The following NCOR2 variants were observed in gnomAD, a reference collection of about 807,000 sequenced individuals.
The protein encoded by NCOR2 is CTG repeat protein 26.
NCOR2 carries 81 observed loss-of-function variants against 262.9 expected under a neutral mutation model. The ratio of observed to expected loss-of-function variants is 0.31; its 90% CI spans 0.26 to 0.37. The LOEUF (loss-of-function observed/expected upper bound fraction) is 0.37, where lower values mean the gene tolerates loss of function less well. NCOR2 is among the 10% of genes least tolerant of loss of function. The probability of loss-of-function intolerance (pLI) is 1.00; values close to 1 mark genes in which losing one functional copy is unlikely to be tolerated. For missense variants in NCOR2, 3,385 were observed against 3,621.4 expected (o/e 0.93, Z 1.68); for synonymous variants, 1,659 against 1,559.3 (o/e 1.06, Z -1.51).
intron 1 of NCOR2, 52 bp downstream of exon 2, chr12:124,535,513 C>T (rs1294382554): frequency 6.6e-6 from 1 of 152,272 alleles, no homozygotes; most frequent in Non-Finnish European, 1.5e-5. Context: ...TGAGAAAGTC[C>T]AGGCAGGATG....
At chr12:124,429,547 C>T (rs1302769781) in intron 10 of NCOR2, 66 bp downstream of exon 12, 8 of 1,505,516 alleles carry the variant, frequency 5.3e-6, no homozygotes, top group Admixed American at 2.0e-5. Context: ...CTGGCTAGGG[C>T]CTCTGCACCC....
chr12:124,336,598 T>A, intron 38 of NCOR2, 155 bp downstream of exon 40: 1 of 984,206 alleles, frequency 1.0e-6, no homozygotes, highest in South Asian at 4.7e-5. Context: ...GAAAATATCT[T>A]TGGACCACGA....
intron 22 of NCOR2, among the ~76,000 whole-genome samples, chr12:124,359,708 G>A (rs1466181926): frequency 6.6e-6 from 1 of 152,234 alleles, no homozygotes; most frequent in Non-Finnish European, 1.5e-5. Context: ...GATGCTGGAA[G>A]GCAAACTGGG....
intron 1 of NCOR2, among the ~76,000 whole-genome samples, chr12:124,494,924 A>G (rs1471772838): frequency 6.6e-6 from 1 of 152,172 alleles, no homozygotes; most frequent in Non-Finnish European, 1.5e-5. Flanking sequence ...GCCTGGCCCC[A>G]GCCTCCATCT....
chr12:124,550,514 G>T (rs1358911441), intron 1 of NCOR2, among the ~76,000 whole-genome samples: 3 of 152,060 alleles, frequency 2.0e-5, no homozygotes, highest in Non-Finnish European at 1.5e-5. Context: ...ATGGTGAACG[G>T]GGGGGAGGAC....
intron 1 of NCOR2, among the ~76,000 whole-genome samples, chr12:124,487,129 A>G (rs1435452230): frequency 6.6e-6 from 1 of 152,226 alleles, no homozygotes; most frequent in Non-Finnish European, 1.5e-5. Context: ...ACAGAAATGC[A>G]TTTGCAGCAA....
At chr12:124,337,725 G>C (rs1396828745) in intron 37 of NCOR2, among the ~76,000 whole-genome samples, 1 of 152,212 alleles carries the variant, frequency 6.6e-6, no homozygotes, top group African/African-American at 2.4e-5. Context: ...GGCCAGGGTG[G>C]GCGTTGAGAA....
rs539253174 is a variant in NCOR2, at chr12:124,549,917, C to A, written c.-164-14306G>T. Reference sequence around the variant, plus strand: ...TACTTATGGCAAGTATGTGAATGAACAAAATCTACATGCTGGGCGCAAGCT... The same window carrying A: ...TACTTATGGCAAGTATGTGAATGAAAAAAATCTACATGCTGGGCGCAAGCT... On this transcript the variant is annotated intron_variant, in intron 1 of 32. Transcript: ENST00000458234. The surrounding 1 kb of genome is among the most constrained non-coding windows in gnomAD (Gnocchi z 4.4). Among the ~76,000 whole-genome samples the A allele has an allele frequency of 1.3e-5, 2 of 152,310 alleles. No homozygotes were observed. The highest frequency in any genetic ancestry group is 3.9e-4 in the East Asian group (2 of 5,182).
rs2049912248 is a variant in NCOR2 at position 124,517,831 on chromosome 12, G to A, written c.-118+17734C>T. 6.6e-6 allele frequency among the ~76,000 whole-genome samples: 1 copy of A among 152,160 alleles called. No homozygotes were observed. The highest frequency in any genetic ancestry group is 2.4e-5 in the African/African-American group (1 of 41,426). On this transcript the variant is annotated intron_variant, in intron 1 of 46. Transcript: ENST00000404621. The surrounding 1 kb of genome is among the most constrained non-coding windows in gnomAD (Gnocchi z 7.6). Reference sequence around the variant, plus strand: ...TCTTTTCCGTGACTGCAGCAACTTCGTCCGATGAGACAGCCCTGCCCACCA... The same window carrying A: ...TCTTTTCCGTGACTGCAGCAACTTCATCCGATGAGACAGCCCTGCCCACCA...
chr12:124,456,677 G>A (rs2045877320), intron 6 of NCOR2, among the ~76,000 whole-genome samples: 2 of 152,240 alleles, frequency 1.3e-5, no homozygotes, highest in Admixed American at 1.3e-4. Flanking sequence ...CTGAAGCACA[G>A]GGAGGGTAAC....
At chr12:124,429,664 G>A in exon 10 of NCOR2, 1 of 1,609,678 alleles carries the variant, frequency 6.2e-7, no homozygotes. Context: ...GCTCGCTGCG[G>A]GCGGCCGACA....
intron 5 of NCOR2, among the ~76,000 whole-genome samples, chr12:124,462,902 G>A (rs1220119200): frequency 6.6e-6 from 1 of 152,136 alleles, no homozygotes; most frequent in East Asian, 1.9e-4. Context: ...GGAAGACAAG[G>A]ACCTGAGTCT....
At chr12:124,410,511 C>T (rs1197680674) in intron 13 of NCOR2, among the ~76,000 whole-genome samples, 1 of 152,012 alleles carries the variant, frequency 6.6e-6, no homozygotes, top group African/African-American at 2.4e-5. Context: ...GCCCAGCTGG[C>T]CCTGACTGGA....
intron 1 of NCOR2, among the ~76,000 whole-genome samples, chr12:124,555,246 C>G (rs2051844816): frequency 6.6e-6 from 1 of 152,208 alleles, no homozygotes; most frequent in South Asian, 2.1e-4. Context: ...AGGGCCCTCT[C>G]TGGAGCACCC....
Position 124,415,479 on chromosome 12 carries a change from CCT to C in NCOR2, c.1482+4476_1482+4477del, listed in dbSNP as rs1025864284. ...GCCCCAGAGTTAGCACTTGAGAACCCCTGTTTACCCCGTGGTTGTGAACCAGG... is the reference window on the plus strand; with the variant it reads ...GCCCCAGAGTTAGCACTTGAGAACCCGTTTACCCCGTGGTTGTGAACCAGG... On this transcript the variant is annotated intron_variant, in intron 13 of 46. Transcript: ENST00000405201. 7.2e-5 allele frequency among the ~76,000 whole-genome samples: 11 copies of C among 152,374 alleles called. No individual in the cohort carries two copies. In the East Asian group the frequency reaches 1.2e-3, roughly 16 times the overall value.
At chr12:124,371,536 A>C (rs1485871648) in intron 20 of NCOR2, among the ~76,000 whole-genome samples, 1 of 152,254 alleles carries the variant, frequency 6.6e-6, no homozygotes, top group African/African-American at 2.4e-5. Flanking sequence ...GTGACAGCAG[A>C]GCCAAAGACG....
chr12:124,366,222 A>T (rs1353644746), intron 20 of NCOR2, among the ~76,000 whole-genome samples: 1 of 152,172 alleles, frequency 6.6e-6, no homozygotes, highest in East Asian at 1.9e-4. Context: ...GAGGAGACAA[A>T]GCGTGCCCTG....
chr12:124,390,478 A>T (rs1273725729), intron 16 of NCOR2, among the ~76,000 whole-genome samples: 2 of 121,208 alleles, frequency 1.7e-5, no homozygotes, highest in South Asian at 2.9e-4. Flanking sequence ...CTCCAAAGTG[A>T]CCCCCCCCCG....
chr12:124,537,861 G>T (rs56700160), upstream of NCOR2: 13,186 of 152,266 alleles, frequency 0.087, 678 homozygotes, highest in African/African-American at 0.13. Context: ...TTTTTTAAGC[G>T]TTTTTTTCAC....
Sources: gnomAD v4.1 joint callset for allele counts (sites outside exome capture counted in the v4.1 genomes callset) on GRCh38, gnomAD v4.1.1 for gene constraint, Gnocchi (gnomAD v3.1) non-coding constraint, MANE v1.5 for transcripts, NCBI Gene and HGNC (gene_info 2026-07-23, HGNC 2026-07-21) for gene names.